The following KIF4A variants were observed in gnomAD, a reference collection of about 807,000 sequenced individuals.
KIF4A encodes chromosome-associated kinesin KIF4A.
A neutral mutation model predicts 105.9 loss-of-function variants in KIF4A; 7 were observed. The ratio of observed to expected loss-of-function variants is 0.07; its 90% CI spans 0.04 to 0.12. The LOEUF (loss-of-function observed/expected upper bound fraction) is 0.12, where lower values mean the gene tolerates loss of function less well. KIF4A is among the 10% of genes least tolerant of loss of function. The probability of loss-of-function intolerance (pLI) is 1.00; values close to 1 mark genes in which losing one functional copy is unlikely to be tolerated. For missense variants in KIF4A, 558 were observed against 929.2 expected (o/e 0.60, Z 5.19); for synonymous variants, 281 against 331.3 (o/e 0.85, Z 1.65).
chrX:70,359,508 T>TA lies in KIF4A; in HGVS notation c.1674+5701_1674+5702insA, dbSNP rs2086065559. Among the ~76,000 whole-genome samples the TA allele has an allele frequency of 4.7e-5, 5 of 106,473 alleles. No individual in the cohort carries two copies. In the East Asian group the frequency reaches 8.7e-4, roughly 18 times the overall value. 92.5% of individuals were successfully genotyped at this position (106,473 alleles called of 115,157 possible). A position where few individuals can be genotyped will look rare whatever the true frequency, so the allele number is the denominator to read the frequency against. ...AGGGGTATATTTATTTTCTCACATT[T>TA]TAAAAAAAAAAAAAAAGCTGAACAT... On this transcript the variant is annotated intron_variant, in intron 15 of 30. Coordinates refer to ENST00000374403, the MANE Select transcript of KIF4A (RefSeq NM_012310.5).
At chrX:70,351,862 A>G (rs779005124) in intron 13 of KIF4A, among the ~76,000 whole-genome samples, 29 of 111,627 alleles carry the variant, frequency 2.6e-4, no homozygotes, top group Non-Finnish European at 4.5e-4. Flanking sequence ...GGTTTAAGCA[A>G]TTCTCCTGCC....
At position 70,380,307 on chromosome X, in the gene KIF4A, C is replaced by CA. The variant is rs538313265; in HGVS notation, c.2034+4108dup. 6.0e-3 allele frequency among the ~76,000 whole-genome samples: 583 copies of CA among 96,717 alleles called. 2 individuals carry two copies. Among genetic ancestry groups the CA allele is most frequent in the South Asian group, 0.058 (128 of 2,213 alleles). 84.0% of individuals were successfully genotyped at this position (96,717 alleles called of 115,157 possible). A position where few individuals can be genotyped will look rare whatever the true frequency, so the allele number is the denominator to read the frequency against. On this transcript the variant is annotated intron_variant, in intron 18 of 30. Transcript: ENST00000374403. ...TGGGCAACAGAGTGAGACACTGTCT[C>CA]AAAAAAAAAAAGGATGATACACTTA...
chrX:70,296,765 C>G (rs1010880325), intron 3 of KIF4A, among the ~76,000 whole-genome samples: 1 of 112,237 alleles, frequency 8.9e-6, no homozygotes, highest in African/African-American at 3.2e-5. Context: ...GCTATCACTA[C>G]GGGGACACAT....
chrX:70,373,549 T>C (rs1184210643), intron 15 of KIF4A, among the ~76,000 whole-genome samples: 3 of 41,552 alleles, frequency 7.2e-5, no homozygotes, highest in African/African-American at 1.4e-4. Context: ...TATATATATA[T>C]ATATATACGT....
intron 7 of KIF4A, among the ~76,000 whole-genome samples, chrX:70,314,380 G>A (rs771190428): frequency 8.9e-6 from 1 of 112,267 alleles, no homozygotes; most frequent in East Asian, 2.8e-4. Context: ...GTACCCAAGT[G>A]TCAGATTTGA....
At chrX:70,367,063 G>A (rs955759478) in intron 15 of KIF4A, among the ~76,000 whole-genome samples, 3 of 111,427 alleles carry the variant, frequency 2.7e-5, no homozygotes, top group African/African-American at 9.8e-5. Context: ...TCCAAGACTA[G>A]GATTCCAACC....
chrX:70,365,741 G>C (rs1207614742), intron 15 of KIF4A, among the ~76,000 whole-genome samples: 1 of 111,539 alleles, frequency 9.0e-6, no homozygotes, highest in Non-Finnish European at 1.9e-5. Context: ...TTGGTATCAG[G>C]ATGATGCTGG....
At chrX:70,340,101 G>A (rs1217243974) in intron 10 of KIF4A, among the ~76,000 whole-genome samples, 1 of 111,262 alleles carries the variant, frequency 9.0e-6, no homozygotes, top group Non-Finnish European at 1.9e-5. Flanking sequence ...AGACTGCTGA[G>A]CTCAAATTTC....
chrX:70,408,124 C>G (rs1039173868), intron 28 of KIF4A, among the ~76,000 whole-genome samples: 2 of 110,737 alleles, frequency 1.8e-5, no homozygotes, highest in Non-Finnish European at 3.8e-5. Flanking sequence ...CAGATGGACC[C>G]CCGACCCACA....
In KIF4A at chrX:70,344,948, T is replaced by G. The variant is rs766395756; in HGVS notation, c.1431+966T>G. On this transcript the variant is annotated intron_variant, in intron 13 of 30. Transcript: ENST00000374403. ...AATGAGTAAACTCCCCAAAGACTAT[T>G]AGGCAGTGTTTTAGAATAAGGAGTA... Among the ~76,000 whole-genome samples the G allele has an allele frequency of 2.7e-5, 3 of 112,026 alleles. No individual in the cohort carries two copies. In the South Asian group the frequency reaches 1.1e-3, roughly 42 times the overall value.
At chrX:70,408,968 C>T (rs1294185174) in intron 28 of KIF4A, among the ~76,000 whole-genome samples, 1 of 111,918 alleles carries the variant, frequency 8.9e-6, no homozygotes, top group East Asian at 2.8e-4. Context: ...CGGGTTCAAG[C>T]GATTCTCCAG....
chrX:70,357,277 G>T lies in KIF4A; in HGVS notation c.1674+3470G>T, dbSNP rs766837619. On this transcript the variant is annotated intron_variant, in intron 15 of 30. Transcript: ENST00000374403. ...TGCAGTGAGCCGAGATCACGCCACT[G>T]CACTCCAGCCTGGGCGACAGAGCAA... 4.2e-3 allele frequency among the ~76,000 whole-genome samples: 472 copies of T among 112,033 alleles called. 3 individuals are homozygous for T. The highest frequency in any genetic ancestry group is 6.6e-3 in the Non-Finnish European group (353 of 53,245).
intron 7 of KIF4A, among the ~76,000 whole-genome samples, chrX:70,321,407 A>G (rs2085889802): frequency 8.9e-6 from 1 of 112,063 alleles, no homozygotes; most frequent in African/African-American, 3.2e-5. Flanking sequence ...CTCTAGTACC[A>G]CAGGACTACA....
chrX:70,368,947 G>C (rs755370265), intron 15 of KIF4A, among the ~76,000 whole-genome samples: 1 of 112,001 alleles, frequency 8.9e-6, no homozygotes, highest in South Asian at 3.7e-4. Flanking sequence ...CCTAGGCAAT[G>C]GTGGGCGCCC....
intron 28 of KIF4A, among the ~76,000 whole-genome samples, chrX:70,409,385 C>T (rs749585100): frequency 8.9e-6 from 1 of 111,798 alleles, no homozygotes; most frequent in Admixed American, 9.6e-5. Flanking sequence ...GTGTCTCTTT[C>T]TTTCATTTAC....
chrX:70,343,789 C>T, intron 12 of KIF4A, 28 bp downstream of exon 12: 1 of 1,194,783 alleles, frequency 8.4e-7, no homozygotes, highest in Non-Finnish European at 1.1e-6. Context: ...TATTTGTTAG[C>T]AACCTATAGC....
chrX:70,290,341 T>C, intron 1 of KIF4A, 97 bp from the exon 2 acceptor site: 1 of 1,011,540 alleles, frequency 9.9e-7, no homozygotes, highest in East Asian at 3.1e-5. Context: ...CCCAAGTCAG[T>C]GTTCCCGCTG....
At chrX:70,328,048 T>C (rs2085917042) in intron 7 of KIF4A, among the ~76,000 whole-genome samples, 1 of 111,634 alleles carries the variant, frequency 9.0e-6, no homozygotes. Flanking sequence ...GGAAGGATAG[T>C]AGGATGCAGT....
rs2085751482 is a variant in KIF4A at position 70,290,123 on chromosome X, G to A, written c.-49G>A. The A allele has an allele frequency of 5.8e-6, 1 of 171,956 alleles. No individual in the cohort carries two copies. The highest frequency in any genetic ancestry group is 2.5e-4 in the South Asian group (1 of 4,046). 14.2% of individuals were successfully genotyped at this position (171,956 alleles called of 1,213,427 possible). ...TGGGACAGGGCGGCGGGAGGCCCAG[G>A]GAGAACGGGGAAGGGACATTTAGTT... On this transcript the variant is annotated 5_prime_UTR_variant, in exon 1 of 31. Transcript: ENST00000374403.
Sources: allele counts gnomAD v4.1 joint callset (sites outside exome capture counted in the v4.1 genomes callset), GRCh38; gene constraint gnomAD v4.1.1; transcripts MANE v1.5; gene names NCBI Gene and HGNC (gene_info 2026-07-23, HGNC 2026-07-21).